The following MYO7B variants were observed in gnomAD, a reference collection of about 807,000 sequenced individuals.
MYO7B encodes the protein unconventional myosin-VIIb.
In MYO7B, 212 loss-of-function variants were observed where a neutral mutation model predicts 259.7. That is an observed-to-expected ratio of 0.82 (90% CI 0.73 to 0.91). MYO7B has a LOEUF of 0.91. Ranked by LOEUF, MYO7B falls within the 40% of genes least tolerant of loss-of-function variation. The pLI, the probability that MYO7B is intolerant of heterozygous loss-of-function variation, is 0.00. For synonymous variants in MYO7B, 1,197 were observed against 1,166.4 expected (o/e 1.03, Z -0.54); for missense variants, 2,732 against 2,813.5 (o/e 0.97, Z 0.66).
At chr2:127,573,331 T>C (rs1327446916) in intron 6 of MYO7B, among the ~76,000 whole-genome samples, 1 of 152,234 alleles carries the variant, frequency 6.6e-6, no homozygotes, top group Non-Finnish European at 1.5e-5. Context: ...CATGTGTATA[T>C]ACTAGGATGT....
At chr2:127,599,891 T>C (rs959276192) in intron 19 of MYO7B, among the ~76,000 whole-genome samples, 5 of 152,236 alleles carry the variant, frequency 3.3e-5, no homozygotes, top group African/African-American at 1.2e-4. Context: ...AATTCTTTTT[T>C]ATGTTGCTGA....
chr2:127,559,433 G>A lies in MYO7B; in HGVS notation c.-23-267G>A, dbSNP rs1053396285. 5.3e-5 allele frequency among the ~76,000 whole-genome samples: 8 copies of A among 152,154 alleles called. No individual in the cohort carries two copies. Among genetic ancestry groups the A allele is most frequent in the Non-Finnish European group, 8.8e-5 (6 of 68,034 alleles). On this transcript the variant is annotated intron_variant, in intron 1 of 47. Transcript: ENST00000409816. The surrounding 1 kb of genome is among the most constrained non-coding windows in gnomAD (Gnocchi z 4.1). ...TAAAATTGGGGCTTCTGGATGACAG[G>A]GAACCACCTACTCCCTGTATCAAGC...
intron 19 of MYO7B, among the ~76,000 whole-genome samples, chr2:127,605,372 G>A (rs1188473752): frequency 6.6e-6 from 1 of 152,198 alleles, no homozygotes; most frequent in Non-Finnish European, 1.5e-5. Context: ...GAGGTAGGTG[G>A]ATCACTTAAG....
At chr2:127,633,587 G>T (rs370565367) in intron 40 of MYO7B, among the ~76,000 whole-genome samples, 1 of 152,292 alleles carries the variant, frequency 6.6e-6, no homozygotes, top group African/African-American at 2.4e-5. Context: ...GGGGATCCAG[G>T]CCCAGGACAC....
At chr2:127,623,993 C>T (rs1293725162) in intron 29 of MYO7B, 100 bp from the exon 30 acceptor site, 1 of 1,165,808 alleles carries the variant, frequency 8.6e-7, no homozygotes, top group Admixed American at 2.4e-5. Flanking sequence ...CTCCAAGGGC[C>T]CCAGGCCCTG....
rs56290548 is a variant in MYO7B, at chr2:127,562,482, G to GTTTTTTTTTTT, written c.19-1657_19-1647dup. On this transcript the variant is annotated intron_variant, in intron 2 of 47. Transcript: ENST00000409816. ...CAGCTAATTTTTGTGGGGTTTTATT[G>GTTTTTTTTTTT]TTTTTTTTTTTTTTTTTTTTTTTTG... Among the ~76,000 whole-genome samples the GTTTTTTTTTTT allele has an allele frequency of 7.4e-3, 453 of 61,194 alleles. 5 individuals carry two copies. Among genetic ancestry groups the GTTTTTTTTTTT allele is most frequent in the East Asian group, 0.011 (20 of 1,818 alleles). The allele number at this position is 61,194 out of a possible 152,430, so 40.1% of individuals were successfully genotyped here. A position where few individuals can be genotyped will look rare whatever the true frequency, so the allele number is the denominator to read the frequency against.
rs371680494 is a variant in MYO7B, at chr2:127,627,034, C to T, written c.4275C>T (p.Ala1425=). 1.1e-4 allele frequency: 182 copies of T among 1,610,564 alleles called. No homozygotes were observed. The highest frequency in any genetic ancestry group is 1.4e-4 in the Non-Finnish European group (168 of 1,179,068). Residue 1425 remains alanine (A), a synonymous_variant, in exon 32 of 48, where the codon GCC becomes GCT. Coordinates refer to ENST00000409816, the MANE Select transcript of MYO7B (RefSeq NM_001393586.1). This position sits in a 1 kb window ranked among gnomAD's most constrained non-coding sequence, Gnocchi z 5.6. ...PLAVREQVVD[A]ARLQWPLLFS... ...CCGTGCGAGAGCAGGTGGTGGACGCCGCCCGCCTGCAGTGGCCGCTGCTCT... is the reference window on the plus strand; with the variant it reads ...CCGTGCGAGAGCAGGTGGTGGACGCTGCCCGCCTGCAGTGGCCGCTGCTCT...
chr2:127,584,670 A>G lies in MYO7B; in HGVS notation c.1555-108A>G. On this transcript the variant is annotated intron_variant, in intron 13 of 47. Transcript: ENST00000409816. This position sits in a 1 kb window ranked among gnomAD's most constrained non-coding sequence, Gnocchi z 5.8. The stretch of plus-strand genomic sequence containing the variant: ...TTTCCTGTCTGTACAAAGGCCCTCA[A>G]TCATTCTGAGCCCAGATCTCTTTGC... 7.3e-7 allele frequency: 1 copy of G among 1,367,390 alleles called. No individual in the cohort carries two copies. The highest frequency in any genetic ancestry group is 1.3e-5 in the South Asian group (1 of 74,244). 84.7% of individuals were successfully genotyped at this position (1,367,390 alleles called of 1,614,324 possible).
At chr2:127,630,171 C>T (rs1404810633) in intron 35 of MYO7B, among the ~76,000 whole-genome samples, 1 of 152,206 alleles carries the variant, frequency 6.6e-6, no homozygotes, top group Admixed American at 6.5e-5. Flanking sequence ...GCCCCCAAGA[C>T]CAGCCTCTCC....
chr2:127,592,768 G>T (rs368729906), intron 16 of MYO7B, 26 bp from the exon 17 acceptor site: 3 of 1,597,866 alleles, frequency 1.9e-6, no homozygotes, highest in Non-Finnish European at 2.6e-6. Context: ...GCTTGCGCTG[G>T]GTCAGCGCCC....
chr2:127,591,370 A>C (rs1679550575), intron 16 of MYO7B, among the ~76,000 whole-genome samples: 1 of 152,218 alleles, frequency 6.6e-6, no homozygotes. Context: ...CAGGACAGGC[A>C]GGCAGGCCTG....
chr2:127,576,148 G>C lies in MYO7B; in HGVS notation c.736-447G>C, dbSNP rs1403495891. ...CAGGACTTCGAGGCTACAGTGGGCT[G>C]AGATTGCACCACTGCACTCTAGCTT... On this transcript the variant is annotated intron_variant, in intron 7 of 47. Coordinates refer to ENST00000409816, the MANE Select transcript of MYO7B (RefSeq NM_001393586.1). This position sits in a 1 kb window ranked among gnomAD's most constrained non-coding sequence, Gnocchi z 4.9. 6.6e-6 allele frequency among the ~76,000 whole-genome samples: 1 copy of C among 151,844 alleles called. No individual in the cohort carries two copies. The highest frequency in any genetic ancestry group is 2.4e-5 in the African/African-American group (1 of 41,306).
chr2:127,557,780 T>G (rs1225543521), intron 1 of MYO7B, among the ~76,000 whole-genome samples: 1 of 152,166 alleles, frequency 6.6e-6, no homozygotes, highest in Non-Finnish European at 1.5e-5. Flanking sequence ...CTGGGATAAT[T>G]GAAAAGCCAC....
chr2:127,594,897 G>C (rs943247150), intron 18 of MYO7B, among the ~76,000 whole-genome samples: 1 of 152,064 alleles, frequency 6.6e-6, no homozygotes, highest in Non-Finnish European at 1.5e-5. Context: ...CAGAATTTTT[G>C]CATCGATGTT....
chr2:127,587,283 A>G (rs768333816), intron 14 of MYO7B, among the ~76,000 whole-genome samples: 1 of 152,090 alleles, frequency 6.6e-6, no homozygotes, highest in Non-Finnish European at 1.5e-5. Context: ...ATTCTTACTC[A>G]TGGCCGGAGG....
At chr2:127,593,717 C>G in intron 18 of MYO7B, 73 bp downstream of exon 18, 1 of 1,405,972 alleles carries the variant, frequency 7.1e-7, no homozygotes, top group Non-Finnish European at 1.0e-6. Flanking sequence ...GCACCAGGCC[C>G]GGGGTCCATG....
Position 127,634,296 on chromosome 2 carries a change from CGGGCTG to C in MYO7B, c.5625+16_5625+21del. The C allele has an allele frequency of 6.4e-7, 1 of 1,559,506 alleles. No homozygotes were observed. Among genetic ancestry groups the C allele is most frequent in the Non-Finnish European group, 8.7e-7 (1 of 1,154,342 alleles). On this transcript the variant is annotated splice_region_variant and intron_variant, in intron 41 of 47. Coordinates refer to ENST00000409816, the MANE Select transcript of MYO7B (RefSeq NM_001393586.1). ...CATCAAGATTTCAGACAAGGTGGGCCGGGCTGGGGCTGGGCAGACGGTGGGCGGACG... is the reference window on the plus strand; with the variant it reads ...CATCAAGATTTCAGACAAGGTGGGCCGGGCTGGGCAGACGGTGGGCGGACG...
At chr2:127,619,461 AC>A (rs1039609632) in intron 26 of MYO7B, among the ~76,000 whole-genome samples, 2 of 151,666 alleles carry the variant, frequency 1.3e-5, no homozygotes, top group East Asian at 3.9e-4. Context: ...CTCCAGGATG[AC>A]CCCCAGATTT....
In MYO7B at chr2:127,637,444, G is replaced by A; in HGVS notation, c.*27G>A. On this transcript the variant is annotated 3_prime_UTR_variant, in exon 48 of 48. Coordinates refer to ENST00000409816, the MANE Select transcript of MYO7B (RefSeq NM_001393586.1). ...AGCGGATGCTGGCGTGTCTGCTCAGGCGCCCTTCCCGACCTCTAGCCTGGC... is the reference window on the plus strand; with the variant it reads ...AGCGGATGCTGGCGTGTCTGCTCAGACGCCCTTCCCGACCTCTAGCCTGGC... The A allele has an allele frequency of 1.4e-6, 2 of 1,468,986 alleles. No homozygotes were observed. Among genetic ancestry groups the A allele is most frequent in the Non-Finnish European group, 9.1e-7 (1 of 1,102,946 alleles). The allele number at this position is 1,468,986 out of a possible 1,614,324, so 91.0% of individuals were successfully genotyped here. A position where few individuals can be genotyped will look rare whatever the true frequency, so the allele number is the denominator to read the frequency against.
Sources: gnomAD v4.1 joint callset for allele counts (sites outside exome capture counted in the v4.1 genomes callset) on GRCh38, gnomAD v4.1.1 for gene constraint, Gnocchi (gnomAD v3.1) non-coding constraint, MANE v1.5 for transcripts, NCBI Gene and HGNC (gene_info 2026-07-23, HGNC 2026-07-21) for gene names.